The following MYO16 variants were observed in gnomAD, a reference collection of about 807,000 sequenced individuals.
The protein encoded by MYO16 is myosin XVI, also known as unconventional myosin-XVI.
MYO16 carries 94 observed loss-of-function variants against 205.3 expected under a neutral mutation model. The observed-to-expected ratio is 0.46, with a 90% CI of 0.39 to 0.54. The LOEUF is 0.54. MYO16 is among the 20% of genes least tolerant of loss of function. The pLI is 0.00. For synonymous variants in MYO16, 988 were observed against 954.0 expected (o/e 1.04, Z -0.66); for missense variants, 2,315 against 2,387.5 (o/e 0.97, Z 0.63).
chr13:109,119,533 C>T (rs1299686942), intron 28 of MYO16, among the ~76,000 whole-genome samples: 1 of 152,206 alleles, frequency 6.6e-6, no homozygotes, highest in Non-Finnish European at 1.5e-5. Flanking sequence ...GTATTCCTCA[C>T]ACCTACCTCG....
At chr13:109,197,312 C>T (rs546966203) in intron 34 of MYO16, among the ~76,000 whole-genome samples, 33 of 152,290 alleles carry the variant, frequency 2.2e-4, no homozygotes, top group African/African-American at 7.9e-4. Flanking sequence ...TGTAAGAATG[C>T]GTTCAGGGGA....
chr13:109,045,027 T>A (rs544165803), intron 23 of MYO16, among the ~76,000 whole-genome samples: 1 of 152,306 alleles, frequency 6.6e-6, no homozygotes, highest in Admixed American at 6.5e-5. Context: ...ATATTAACAG[T>A]GTGGTAATGC....
intron 20 of MYO16, among the ~76,000 whole-genome samples, chr13:108,991,852 A>G (rs910079989): frequency 6.6e-6 from 1 of 152,270 alleles, no homozygotes; most frequent in African/African-American, 2.4e-5. Context: ...AGAAGCAAAT[A>G]TTAAATCACC....
At chr13:108,893,141 T>C (rs1880248388) in intron 14 of MYO16, among the ~76,000 whole-genome samples, 1 of 152,230 alleles carries the variant, frequency 6.6e-6, no homozygotes, top group African/African-American at 2.4e-5. Context: ...CACATGAATA[T>C]CATTCAGTGT....
chr13:108,593,773 G>T (rs1217580377), upstream of MYO16, among the ~76,000 whole-genome samples: 1 of 152,136 alleles, frequency 6.6e-6, no homozygotes, highest in Non-Finnish European at 1.5e-5. Context: ...TACCCGTGAT[G>T]AAGTCGCACT....
At chr13:108,612,850 A>G (rs1413733746) in intron 1 of MYO16, among the ~76,000 whole-genome samples, 2 of 152,202 alleles carry the variant, frequency 1.3e-5, no homozygotes, top group Admixed American at 1.3e-4. Context: ...AAATGAGAAA[A>G]TAAACCAAGA....
At chr13:108,528,614 C>T in the MYO16 span, among the ~76,000 whole-genome samples, 5 of 5,706 alleles carry the variant, frequency 8.8e-4, no homozygotes, top group Non-Finnish European at 1.1e-3. Context: ...TCCTCTCCTC[C>T]CCTCCCCTCT....
chr13:108,668,162 G>A (rs1216372049), intron 2 of MYO16, among the ~76,000 whole-genome samples: 1 of 152,152 alleles, frequency 6.6e-6, no homozygotes, highest in African/African-American at 2.4e-5. Context: ...TAACTAAAAA[G>A]CCAAGAAGCA....
the MYO16 span, among the ~76,000 whole-genome samples, chr13:108,546,794 T>C: frequency 6.6e-6 from 1 of 152,174 alleles, no homozygotes; most frequent in East Asian, 1.9e-4. Context: ...TTCTTGTTTG[T>C]CAGTGTAGTC....
intron 22 of MYO16, 137 bp downstream of exon 22, chr13:109,009,186 A>G: frequency 1.6e-6 from 1 of 638,640 alleles, no homozygotes; most frequent in Non-Finnish European, 2.5e-6. Context: ...TTCAAAATGT[A>G]TTGAGGTGCA....
intron 5 of MYO16, 28 bp downstream of exon 5, chr13:108,785,771 A>T: frequency 7.2e-7 from 1 of 1,379,534 alleles, no homozygotes; most frequent in South Asian, 1.2e-5. Flanking sequence ...AAACCATAGA[A>T]AAAAATAGAT....
intron 27 of MYO16, among the ~76,000 whole-genome samples, chr13:109,099,185 A>C (rs1024002289): frequency 6.6e-6 from 1 of 152,216 alleles, no homozygotes; most frequent in East Asian, 1.9e-4. Flanking sequence ...AGCCAAATGC[A>C]TTGTTGGTGT....
At chr13:109,079,921 A>C (rs1888231564) in intron 27 of MYO16, among the ~76,000 whole-genome samples, 1 of 144,742 alleles carries the variant, frequency 6.9e-6, no homozygotes, top group Non-Finnish European at 1.5e-5. Flanking sequence ...TGTCACCCAG[A>C]CTGGAGTGCA....
intron 23 of MYO16, among the ~76,000 whole-genome samples, chr13:109,023,685 A>ATATG (rs1491293755): frequency 1.7e-5 from 2 of 119,842 alleles, no homozygotes; most frequent in East Asian, 4.6e-4. Flanking sequence ...ATGTATATAT[A>ATATG]CATATATATG....
At chr13:108,959,043 TGGGGA>T (rs1883485059) in intron 17 of MYO16, among the ~76,000 whole-genome samples, 1 of 151,954 alleles carries the variant, frequency 6.6e-6, no homozygotes, top group Admixed American at 6.6e-5. Context: ...AGTGAGTAGG[TGGGGA>T]GGGTGGAGAG....
intron 12 of MYO16, among the ~76,000 whole-genome samples, chr13:108,868,856 G>A (rs1482344323): frequency 1.3e-5 from 2 of 149,852 alleles, no homozygotes; most frequent in Admixed American, 6.7e-5. Context: ...GGTGGCAGAG[G>A]TTGCAGTGAG....
intron 13 of MYO16, among the ~76,000 whole-genome samples, chr13:108,887,087 C>T (rs1449077967): frequency 2.6e-5 from 4 of 152,168 alleles, no homozygotes; most frequent in South Asian, 4.2e-4. Flanking sequence ...CGAGCACTTA[C>T]AAAGGGTAAT....
intron 34 of MYO16, among the ~76,000 whole-genome samples, chr13:109,194,867 A>C (rs1378158823): frequency 6.6e-6 from 1 of 152,144 alleles, no homozygotes; most frequent in East Asian, 1.9e-4. Context: ...GAGTTCATAC[A>C]AGATCCTTAT....
the MYO16 span, among the ~76,000 whole-genome samples, chr13:108,534,375 C>T: frequency 3.2e-3 from 490 of 152,166 alleles, 4 homozygotes; most frequent in African/African-American, 0.011. Context: ...ACATAATATT[C>T]ATTAGCCCCA....
Sources: gnomAD v4.1 joint callset for allele counts (sites outside exome capture counted in the v4.1 genomes callset) on GRCh38, gnomAD v4.1.1 for gene constraint, MANE v1.5 for transcripts, NCBI Gene and HGNC (gene_info 2026-07-23, HGNC 2026-07-21) for gene names.